ADAMTS20: variants seen among roughly 807,000 people sequenced by gnomAD.
ADAMTS20 encodes A disintegrin and metalloproteinase with thrombospondin motifs 20.
ADAMTS20 carries 225 observed loss-of-function variants against 260.1 expected under a neutral mutation model. The observed-to-expected ratio is 0.87, with a 90% confidence interval of 0.78 to 0.97. The LOEUF (loss-of-function observed/expected upper bound fraction) is 0.97. Among genes scored for constraint, ADAMTS20 ranks in the 50% least tolerant of loss-of-function variants. ADAMTS20 has a pLI of 0.00. For missense variants in ADAMTS20, 2,400 were observed against 2,337.7 expected, an observed-to-expected ratio of 1.03 and a Z score of -0.55; for synonymous variants, 802 against 769.5, an observed-to-expected ratio of 1.04 and a Z score of -0.70.
At position 43,532,198 on chromosome 12, in the gene ADAMTS20, G is replaced by C. The variant is rs1182032535; in HGVS notation, c.454-3C>G. 1 of 1,584,108 alleles carries C rather than the reference G, an allele frequency of 6.3e-7. No individual in the cohort carries two copies. The highest frequency in any genetic ancestry group is 8.6e-7 in the Non-Finnish European group (1 of 1,167,294). On this transcript the variant is annotated splice_region_variant and splice_polypyrimidine_tract_variant and intron_variant, in intron 2 of 38. Coordinates refer to ENST00000389420, the MANE Select transcript of ADAMTS20 (RefSeq NM_025003.5). ...TTCTGTCCTTTAAATGTTCCCGTCT[G>C]AAAATAAAGGAAACAAAAATGAATT...
chr12:43,365,582 G>A (rs1301717405), intron 37 of ADAMTS20, among the ~76,000 whole-genome samples: 1 of 151,862 alleles, frequency 6.6e-6, no homozygotes, highest in Non-Finnish European at 1.5e-5. Flanking sequence ...AAGAGAACCA[G>A]AAATACTAAA....
intron 11 of ADAMTS20, among the ~76,000 whole-genome samples, chr12:43,455,514 A>C (rs921870564): frequency 2.0e-5 from 3 of 152,110 alleles, no homozygotes; most frequent in African/African-American, 7.2e-5. Context: ...CCCTTTTATA[A>C]GGCATTAAAC....
intron 12 of ADAMTS20, among the ~76,000 whole-genome samples, chr12:43,453,300 TAAGTA>T (rs1309623841): frequency 6.6e-6 from 1 of 152,168 alleles, no homozygotes; most frequent in Non-Finnish European, 1.5e-5. Context: ...AATAATACTT[TAAGTA>T]AAGAGTATCA....
At chr12:43,480,472 T>A (rs1232328584) in intron 7 of ADAMTS20, among the ~76,000 whole-genome samples, 3 of 152,204 alleles carry the variant, frequency 2.0e-5, no homozygotes, top group Non-Finnish European at 4.4e-5. Context: ...TATCATATGG[T>A]AGTTCTATTT....
At chr12:43,491,191 A>C (rs999311222) in intron 6 of ADAMTS20, among the ~76,000 whole-genome samples, 30 of 151,998 alleles carry the variant, frequency 2.0e-4, no homozygotes, top group African/African-American at 7.2e-4. Context: ...AGATACACAA[A>C]TGTTTACCAT....
At chr12:43,423,669 T>C (rs1941276078) in intron 28 of ADAMTS20, 2 of 695,546 alleles carry the variant, frequency 2.9e-6, no homozygotes, top group African/African-American at 1.8e-5. Flanking sequence ...ATTTCCAATC[T>C]AAGATAGCTA....
At chr12:43,432,931 C>A in intron 19 of ADAMTS20, 120 bp from the exon 20 acceptor site, 2 of 832,534 alleles carry the variant, frequency 2.4e-6, no homozygotes, top group Non-Finnish European at 3.8e-6. Flanking sequence ...CACCAAAAAA[C>A]AAAACCAGTC....
chr12:43,443,843 G>A lies in ADAMTS20; in HGVS notation c.2238C>T (p.Asn746=), dbSNP rs769673687. 2.1e-5 allele frequency: 34 copies of A among 1,613,094 alleles called. No individual in the cohort carries two copies. Among genetic ancestry groups the A allele is most frequent in the East Asian group, 6.7e-5 (3 of 44,866 alleles). The change falls in exon 16 of 39, where the codon AAC becomes AAT. Residue 746 remains asparagine (N), a synonymous_variant. Transcript: ENST00000389420. ...AATAGCTGTACTGACGAATGTCAACGTTTGTTGCTCCTGCGGGAATCTTTA... is the reference window on the plus strand; with the variant it reads ...AATAGCTGTACTGACGAATGTCAACATTTGTTGCTCCTGCGGGAATCTTTA... The part of the protein sequence containing the change: ...VVVKIPAGAT[N]VDIRQYSYSG...
At chr12:43,404,216 CACAAATAG>C (rs1315241536) in intron 28 of ADAMTS20, among the ~76,000 whole-genome samples, 1 of 144,234 alleles carries the variant, frequency 6.9e-6, no homozygotes, top group Non-Finnish European at 1.5e-5. Flanking sequence ...CACACACACA[CACAAATAG>C]AAAGCACCCA....
At chr12:43,394,924 T>G (rs1395491590) in intron 29 of ADAMTS20, among the ~76,000 whole-genome samples, 1 of 152,094 alleles carries the variant, frequency 6.6e-6, no homozygotes, top group Non-Finnish European at 1.5e-5. Flanking sequence ...ACTCTTAATA[T>G]AGTATCAGGA....
At chr12:43,400,810 T>A (rs1221252337) in intron 28 of ADAMTS20, among the ~76,000 whole-genome samples, 1 of 152,002 alleles carries the variant, frequency 6.6e-6, no homozygotes, top group Non-Finnish European at 1.5e-5. Flanking sequence ...AAGAATAATT[T>A]TCCCCTAAAT....
chr12:43,435,420 CACG>C (rs1941531952), intron 18 of ADAMTS20, among the ~76,000 whole-genome samples: 1 of 151,878 alleles, frequency 6.6e-6, no homozygotes, highest in South Asian at 2.1e-4. Context: ...GCGGGCGGAT[CACG>C]AGGTCAGGAG....
Position 43,369,186 on chromosome 12 carries a change from T to C in ADAMTS20, c.5538+104A>G, listed in dbSNP as rs1361186320. ...GCGCATATGTGAAGTTTTGCATTTC[T>C]ATTTACTTATGTTTCTTGCAATATT... is the stretch of plus-strand genomic sequence containing the variant. On this transcript the variant is annotated intron_variant, in intron 37 of 38. Transcript: ENST00000389420. 4.8e-6 allele frequency: 3 copies of C among 631,204 alleles called. No individual in the cohort carries two copies. In the African/African-American group the frequency reaches 5.8e-5, roughly 12 times the overall value. 39.1% of individuals were successfully genotyped at this position (631,204 alleles called of 1,614,324 possible).
At chr12:43,447,414 C>T (rs1421892163) in intron 14 of ADAMTS20, among the ~76,000 whole-genome samples, 2 of 152,090 alleles carry the variant, frequency 1.3e-5, no homozygotes, top group Non-Finnish European at 2.9e-5. Flanking sequence ...TCAATAGATG[C>T]AGAAAATGCT....
chr12:43,476,040 C>A (rs1942347756), intron 7 of ADAMTS20, among the ~76,000 whole-genome samples: 1 of 127,466 alleles, frequency 7.8e-6, no homozygotes, highest in African/African-American at 3.1e-5. Context: ...AAGAAACTAC[C>A]ATCAGAGTGA....
chr12:43,391,983 G>C (rs1330072014), intron 29 of ADAMTS20, among the ~76,000 whole-genome samples: 1 of 151,990 alleles, frequency 6.6e-6, no homozygotes, highest in Non-Finnish European at 1.5e-5. Context: ...TAAAATATAA[G>C]GCATATTTAA....
At chr12:43,395,667 G>A (rs1339411255) in intron 29 of ADAMTS20, among the ~76,000 whole-genome samples, 1 of 137,180 alleles carries the variant, frequency 7.3e-6, no homozygotes, top group Admixed American at 7.6e-5. Context: ...GAATACTGTT[G>A]TGTGAGATTC....
chr12:43,362,743 A>T (rs1304172854), intron 37 of ADAMTS20, among the ~76,000 whole-genome samples: 2 of 151,726 alleles, frequency 1.3e-5, no homozygotes, highest in East Asian at 3.9e-4. Flanking sequence ...TTTCTTCTTG[A>T]TTTCACCACA....
At chr12:43,433,888 G>A (rs1024033518) in intron 19 of ADAMTS20, 1 of 366,170 alleles carries the variant, frequency 2.7e-6, no homozygotes, top group African/African-American at 2.2e-5. Flanking sequence ...GAAGTTTACT[G>A]GTTCATTAAT....
Sources: gnomAD v4.1 joint callset for allele counts (sites outside exome capture counted in the v4.1 genomes callset) on GRCh38, gnomAD v4.1.1 for gene constraint, MANE v1.5 for transcripts, NCBI Gene and HGNC (gene_info 2026-07-23, HGNC 2026-07-21) for gene names.